RCN3: variants seen among roughly 807,000 people sequenced by gnomAD.
The protein encoded by RCN3 is reticulocalbin-3.
A neutral mutation model predicts 35.9 loss-of-function variants in RCN3; 41 were observed. The ratio of observed to expected loss-of-function variants is 1.14; its 90% CI spans 0.89 to 1.48. The LOEUF (loss-of-function observed/expected upper bound fraction) is 1.48, where lower values mean the gene tolerates loss of function less well. Ranked by LOEUF, RCN3 falls within the 40% of genes most tolerant of loss-of-function variation. The probability of loss-of-function intolerance (pLI) is 0.00; values close to 1 mark genes in which losing one functional copy is unlikely to be tolerated. For synonymous variants in RCN3, 187 were observed against 193.4 expected, an observed-to-expected ratio of 0.97 and a Z score of 0.27; for missense variants, 451 against 471.3, an observed-to-expected ratio of 0.96 and a Z score of 0.40.
intron 4 of RCN3, among the ~76,000 whole-genome samples, chr19:49,537,632 G>A (rs1379056821): frequency 6.6e-6 from 1 of 151,622 alleles, no homozygotes; most frequent in African/African-American, 2.4e-5. Flanking sequence ...TCAGCGTCCC[G>A]AGTAGCTGGG....
chr19:49,541,904 T>C (rs1157622902), intron 5 of RCN3, among the ~76,000 whole-genome samples: 1 of 151,398 alleles, frequency 6.6e-6, no homozygotes, highest in Non-Finnish European at 1.5e-5. Flanking sequence ...CGCTTGAACC[T>C]GGGAGGCAGA....
At chr19:49,535,363 T>C (rs1033377350) in intron 3 of RCN3, among the ~76,000 whole-genome samples, 3 of 152,172 alleles carry the variant, frequency 2.0e-5, no homozygotes, top group Admixed American at 6.6e-5. Flanking sequence ...TGTCAACTCA[T>C]AGTGGGCCAT....
At chr19:49,535,875 TAGATAG>T (rs1474318346) in intron 3 of RCN3, among the ~76,000 whole-genome samples, 17 of 141,274 alleles carry the variant, frequency 1.2e-4, no homozygotes, top group East Asian at 8.1e-4. Flanking sequence ...TATATATATA[TAGATAG>T]ATAGATAGAT....
rs148662857 is a variant in RCN3 at position 49,542,575 on chromosome 19, T to G, written c.702T>G (p.Pro234=). The part of the protein sequence containing the change: ...EYIADLYSAE[P]GEEEPAWVQT... ...CAGCGGATCTGTACTCAGCCGAGCC[T>G]GGGGAGGAGGAGCCGGCGTGGGTGC... Residue 234 remains proline (P), a synonymous_variant, in exon 6 of 7, where the codon CCT becomes CCG. Coordinates refer to ENST00000270645, the MANE Select transcript of RCN3 (RefSeq NM_020650.3). The G allele has an allele frequency of 6.5e-5, 105 of 1,605,042 alleles. No homozygotes were observed. The African/African-American group carries it at 1.1e-3, about 17-fold the overall frequency.
rs2080139350 is a variant in RCN3, at chr19:49,537,081, T to C, written c.494T>C (p.Leu165Pro). ...VEDAETYKKMLARDERRFRVA... is the reference protein window; with the variant it reads ...VEDAETYKKMPARDERRFRVA... ...GATGCAGAGACCTACAAAAAGATGC[T>C]GGCTCGGGACGAGCGGCGTTTCCGG... The change falls in exon 4 of 7, where the codon CTG becomes CCG. Residue 165 changes from leucine (L) to proline (P), a missense_variant. By Grantham distance (98) the Leu-to-Pro change is moderately conservative. Coordinates refer to ENST00000270645, the MANE Select transcript of RCN3 (RefSeq NM_020650.3). 2 of 1,584,724 alleles carry C rather than the reference T, an allele frequency of 1.3e-6. No homozygotes were observed. The highest frequency in any genetic ancestry group is 8.6e-7 in the Non-Finnish European group (1 of 1,163,686).
chr19:49,532,891 G>T (rs181265810), intron 2 of RCN3, among the ~76,000 whole-genome samples: 138 of 152,118 alleles, frequency 9.1e-4, no homozygotes, highest in African/African-American at 2.5e-3. Context: ...GACCAGGCTG[G>T]TCTGGAACGT....
chr19:49,535,942 TTATATACTTAAA>T (rs2080132504), intron 3 of RCN3, among the ~76,000 whole-genome samples: 1 of 145,086 alleles, frequency 6.9e-6, no homozygotes, highest in African/African-American at 2.6e-5. Context: ...ATATAACATA[TTATATACTTAAA>T]TATATATACA....
chr19:49,535,217 C>T (rs2080128505), intron 3 of RCN3, among the ~76,000 whole-genome samples: 1 of 152,158 alleles, frequency 6.6e-6, no homozygotes, highest in Non-Finnish European at 1.5e-5. Flanking sequence ...CCTGAACTCA[C>T]CACACTCTTC....
chr19:49,528,439 CT>C (rs778061428), intron 1 of RCN3, 27 bp from the exon 2 acceptor site: 4 of 1,467,576 alleles, frequency 2.7e-6, no homozygotes, highest in Admixed American at 2.6e-5. Context: ...CCTGTGACCC[CT>C]GACCCCTGGC....
intron 3 of RCN3, among the ~76,000 whole-genome samples, chr19:49,536,323 G>GTT (rs1454417024): frequency 4.4e-5 from 5 of 112,920 alleles, no homozygotes; most frequent in Non-Finnish European, 8.7e-5. Context: ...GAGATGGAAT[G>GTT]GAGTTTCACT....
chr19:49,543,157 G>A lies in RCN3; in HGVS notation c.931G>A (p.Gly311Ser), dbSNP rs1295310827. 6.2e-7 allele frequency: 1 copy of A among 1,613,948 alleles called. No individual in the cohort carries two copies. Among genetic ancestry groups the A allele is most frequent in the African/African-American group, 1.3e-5 (1 of 74,898 alleles). ...CCTGGGTAATTGGAACATGTTTGTG[G>A]GCAGTCAGGCCACCAACTATGGCGA... The part of the protein sequence containing the change: ...EILGNWNMFV[G>S]SQATNYGEDL... The change falls in exon 7 of 7, where the codon GGC becomes AGC. Residue 311 changes from glycine to serine, a missense_variant. Transcript: ENST00000270645.
intron 5 of RCN3, 124 bp from the exon 6 acceptor site, chr19:49,542,429 G>A (rs546327956): frequency 6.0e-5 from 38 of 628,592 alleles, no homozygotes; most frequent in South Asian, 4.2e-4. Context: ...ACGCTGAGGC[G>A]AGAGAGAGGG....
intron 2 of RCN3, among the ~76,000 whole-genome samples, chr19:49,529,599 G>T (rs936516335): frequency 1.3e-5 from 2 of 152,302 alleles, no homozygotes; most frequent in East Asian, 1.9e-4. Flanking sequence ...TCCTCCTGAA[G>T]TTTACACTGT....
chr19:49,538,565 G>T (rs1443913574), intron 4 of RCN3, among the ~76,000 whole-genome samples: 2 of 152,028 alleles, frequency 1.3e-5, no homozygotes, highest in African/African-American at 4.8e-5. Flanking sequence ...TCCCGCCTCG[G>T]CCTCCCAAAG....
intron 3 of RCN3, among the ~76,000 whole-genome samples, chr19:49,536,539 G>A (rs986808959): frequency 1.3e-5 from 2 of 150,758 alleles, no homozygotes; most frequent in South Asian, 4.2e-4. Flanking sequence ...GACCTCAGGC[G>A]ATCCACCCAC....
At position 49,540,656 on chromosome 19, in the gene RCN3, G is replaced by A. The variant is rs537657744; in HGVS notation, c.679+1477G>A. ...AAAAAAGATGGGGTCTTGCCCTGTC[G>A]CCCAGGCTGGAGTGCAGTGGGGTGA... On this transcript the variant is annotated intron_variant, in intron 5 of 6. Coordinates refer to ENST00000270645, the MANE Select transcript of RCN3 (RefSeq NM_020650.3). 3.8e-4 allele frequency among the ~76,000 whole-genome samples: 56 copies of A among 149,046 alleles called. No homozygotes were observed. The East Asian group carries it at 4.2e-3, about 11-fold the overall frequency.
chr19:49,543,240 A>G lies in RCN3; in HGVS notation c.*27A>G. 1.3e-6 allele frequency: 2 copies of G among 1,571,880 alleles called. No individual in the cohort carries two copies. Among genetic ancestry groups the G allele is most frequent in the East Asian group, 4.5e-5 (2 of 44,486 alleles). ...CACCGCGCACCTGCCACAGCCTCAG[A>G]GGCCCGCACAATGACCGGAGGAGGG... On this transcript the variant is annotated 3_prime_UTR_variant, in exon 7 of 7. Coordinates refer to ENST00000270645, the MANE Select transcript of RCN3 (RefSeq NM_020650.3).
chr19:49,528,209 G>A, intron 1 of RCN3, 151 bp downstream of exon 1: 2 of 418,156 alleles, frequency 4.8e-6, no homozygotes, highest in Non-Finnish European at 8.4e-6. Context: ...CGCCACGTCT[G>A]TCTCTGTAAT....
intron 2 of RCN3, among the ~76,000 whole-genome samples, chr19:49,531,147 C>T (rs1278288740): frequency 6.6e-6 from 1 of 152,034 alleles, no homozygotes; most frequent in Non-Finnish European, 1.5e-5. Flanking sequence ...TGATACCCCG[C>T]CTCTACAAAA....
Sources: gnomAD v4.1 joint callset for allele counts (sites outside exome capture counted in the v4.1 genomes callset) on GRCh38, gnomAD v4.1.1 for gene constraint, MANE v1.5 for transcripts, NCBI Gene and HGNC (gene_info 2026-07-23, HGNC 2026-07-21) for gene names.